The following ST18 variants were observed in gnomAD, a reference collection of about 807,000 sequenced individuals.
The protein encoded by ST18 is suppression of tumorigenicity 18 protein.
A neutral mutation model predicts 110.0 loss-of-function variants in ST18; 50 were observed. That is an observed-to-expected ratio of 0.45 (90% CI 0.36 to 0.58). ST18 has a LOEUF of 0.58. Ranked by LOEUF, ST18 falls within the 20% of genes least tolerant of loss-of-function variation. The probability of loss-of-function intolerance (pLI) is 0.00; values close to 1 mark genes in which losing one functional copy is unlikely to be tolerated. For synonymous variants in ST18, 461 were observed against 452.4 expected, an observed-to-expected ratio of 1.02 and a Z score of -0.24; for missense variants, 1,306 against 1,280.1, an observed-to-expected ratio of 1.02 and a Z score of -0.31.
At chr8:52,409,491 A>G (rs1845674034) in intron 1 of ST18, 39 bp from the exon 2 acceptor site, 1 of 151,952 alleles carries the variant, frequency 6.6e-6, no homozygotes, top group Admixed American at 6.6e-5. Flanking sequence ...AATTATCATA[A>G]GAAAACCATT....
In ST18 at chr8:52,165,524, G is replaced by A. The variant is rs567285757; in HGVS notation, c.1205-299C>T. ...CTTGTAACCTTCCCATCACCTGAAT[G>A]TGATTTTCCCTGGGGGATGGATGGA... On this transcript the variant is annotated intron_variant, in intron 11 of 25. Transcript: ENST00000689386. 2.8e-4 allele frequency among the ~76,000 whole-genome samples: 43 copies of A among 152,330 alleles called. 1 individual carries two copies. In the South Asian group the frequency reaches 8.7e-3, roughly 31 times the overall value.
Position 52,373,229 on chromosome 8 carries a change from TC to T in ST18, c.-465+36098del, listed in dbSNP as rs558778752. ...GAGACAGAAGGTGGCATCCTCATTT[TC>T]CCCCTTCAGAGAGTAAGCCCTCCCT... On this transcript the variant is annotated intron_variant, in intron 2 of 25. Coordinates refer to ENST00000689386, the MANE Select transcript of ST18 (RefSeq NM_001352837.2). 7.0e-4 allele frequency among the ~76,000 whole-genome samples: 107 copies of T among 152,104 alleles called. No homozygotes were observed. The South Asian group carries it at 8.7e-3, about 12-fold the overall frequency.
chr8:52,393,645 G>A (rs1207289506), intron 2 of ST18: 2 of 152,098 alleles, frequency 1.3e-5, no homozygotes, highest in Non-Finnish European at 2.9e-5. Context: ...CACTTTGAGA[G>A]GCTGAGGCAG....
At chr8:52,252,811 A>C (rs1230649695) in intron 2 of ST18, among the ~76,000 whole-genome samples, 1 of 151,966 alleles carries the variant, frequency 6.6e-6, no homozygotes, top group Non-Finnish European at 1.5e-5. Flanking sequence ...TTGAATATTT[A>C]GAAGAAGGAG....
At chr8:52,150,051 G>A in intron 15 of ST18, 74 bp from the exon 16 acceptor site, 1 of 1,514,740 alleles carries the variant, frequency 6.6e-7, no homozygotes, top group Non-Finnish European at 8.8e-7. Flanking sequence ...GGCTTTTAAG[G>A]GATCATTTTA....
rs573137401 is a variant in ST18 at position 52,161,642 on chromosome 8, C to T, written c.1401-74G>A. On this transcript the variant is annotated intron_variant, in intron 13 of 25. Transcript: ENST00000689386. ...GTGAGCACATTAGTGTCAGAATTTA[C>T]AGTAGATACATGTGTCACTCCTGAA... 1.7e-5 allele frequency: 25 copies of T among 1,508,620 alleles called. No individual in the cohort carries two copies. In the African/African-American group the frequency reaches 2.8e-4, roughly 17 times the overall value. The allele number at this position is 1,508,620 out of a possible 1,614,324, so 93.5% of individuals were successfully genotyped here.
chr8:52,192,076 T>C (rs918775649), intron 8 of ST18, among the ~76,000 whole-genome samples: 2 of 152,140 alleles, frequency 1.3e-5, no homozygotes, highest in Non-Finnish European at 1.5e-5. Context: ...AGAGGGGTCA[T>C]TGATGGAGTA....
At chr8:52,210,819 A>T (rs1279856111) in intron 8 of ST18, among the ~76,000 whole-genome samples, 4 of 152,228 alleles carry the variant, frequency 2.6e-5, no homozygotes, top group Admixed American at 1.3e-4. Context: ...GTTTCGCTAC[A>T]TAAATGAACC....
chr8:52,373,876 C>T (rs1462246962), intron 2 of ST18, among the ~76,000 whole-genome samples: 2 of 152,150 alleles, frequency 1.3e-5, no homozygotes, highest in Non-Finnish European at 2.9e-5. Context: ...TGACCCGGCT[C>T]CTATAAATTC....
chr8:52,165,011 A>G (rs1470261205), intron 12 of ST18, 124 bp downstream of exon 12: 4 of 808,460 alleles, frequency 4.9e-6, no homozygotes, highest in Non-Finnish European at 8.2e-6. Flanking sequence ...CTCTATTTCA[A>G]GTGTCACATA....
intron 10 of ST18, among the ~76,000 whole-genome samples, chr8:52,169,844 T>C (rs1158714633): frequency 2.6e-5 from 4 of 152,188 alleles, no homozygotes; most frequent in Non-Finnish European, 4.4e-5. Flanking sequence ...GCTGCCCCCA[T>C]GCCTCAGGCA....
At chr8:52,141,831 G>A (rs1316501447) in intron 17 of ST18, among the ~76,000 whole-genome samples, 1 of 152,202 alleles carries the variant, frequency 6.6e-6, no homozygotes, top group Non-Finnish European at 1.5e-5. Context: ...GTGGGGTGGT[G>A]GGTGGGCATC....
rs143295520 is a variant in ST18 at position 52,225,060 on chromosome 8, T to C, written c.-418-3267A>G. ...CATCACAATAACTTCCGGTTTTCAC[T>C]GTGATAGATATGAAGTAATTGTACT... On this transcript the variant is annotated intron_variant, in intron 3 of 25. Coordinates refer to ENST00000689386, the MANE Select transcript of ST18 (RefSeq NM_001352837.2). Among the ~76,000 whole-genome samples, 169 of 152,336 alleles carry C rather than the reference T, an allele frequency of 1.1e-3. 1 individual carries two copies. Among genetic ancestry groups the C allele is most frequent in the Non-Finnish European group, 1.4e-3 (96 of 68,034 alleles).
At chr8:52,231,269 C>T (rs558562889) in intron 2 of ST18, among the ~76,000 whole-genome samples, 3 of 152,312 alleles carry the variant, frequency 2.0e-5, no homozygotes, top group Non-Finnish European at 4.4e-5. Flanking sequence ...TTCCATCCTT[C>T]CAACAGAAGT....
chr8:52,408,838 C>T (rs1845438692), intron 2 of ST18: 1 of 152,108 alleles, frequency 6.6e-6, no homozygotes, highest in Admixed American at 6.5e-5. Context: ...TCTCCTATAG[C>T]GACAAATGGT....
chr8:52,280,126 C>T (rs1160774723), intron 2 of ST18, among the ~76,000 whole-genome samples: 1 of 151,676 alleles, frequency 6.6e-6, no homozygotes, highest in Admixed American at 6.6e-5. Context: ...TTAAGTAAAA[C>T]ATATATGTGA....
chr8:52,158,833 T>G, intron 15 of ST18, 65 bp downstream of exon 15: 3 of 1,569,592 alleles, frequency 1.9e-6, no homozygotes, highest in Non-Finnish European at 2.6e-6. Flanking sequence ...GTTAGGAACA[T>G]GAAAGGCAGT....
chr8:52,200,130 T>G (rs755713113), intron 8 of ST18, among the ~76,000 whole-genome samples: 20 of 152,162 alleles, frequency 1.3e-4, no homozygotes, highest in Admixed American at 3.3e-4. Context: ...TTCTAGATGT[T>G]GTGGATATTA....
At chr8:52,266,427 G>A (rs1445180327) in intron 2 of ST18, among the ~76,000 whole-genome samples, 1 of 152,052 alleles carries the variant, frequency 6.6e-6, no homozygotes, top group African/African-American at 2.4e-5. Flanking sequence ...GGTAACAGGA[G>A]CAAACCCTTG....
Sources: gnomAD v4.1 joint callset for allele counts (sites outside exome capture counted in the v4.1 genomes callset) on GRCh38, gnomAD v4.1.1 for gene constraint, MANE v1.5 for transcripts, NCBI Gene and HGNC (gene_info 2026-07-23, HGNC 2026-07-21) for gene names.